ATP8A2: variants seen among roughly 807,000 people sequenced by gnomAD.
ATP8A2 encodes ATPase phospholipid transporting 8A2.
Under a neutral mutation model 165.6 loss-of-function variants are expected in ATP8A2, and 100 were observed. That is an observed-to-expected ratio of 0.60 (90% confidence interval 0.51 to 0.71). ATP8A2 has a LOEUF of 0.71. Ranked by LOEUF, ATP8A2 falls within the 30% of genes least tolerant of loss-of-function variation. The pLI is 0.00. For missense variants in ATP8A2, 1,227 were observed against 1,479.5 expected, an observed-to-expected ratio of 0.83 and a Z score of 2.80; for synonymous variants, 543 against 548.8, an observed-to-expected ratio of 0.99 and a Z score of 0.15.
At chr13:25,697,096 T>A (rs949552125) in intron 24 of ATP8A2, among the ~76,000 whole-genome samples, 6 of 152,206 alleles carry the variant, frequency 3.9e-5, no homozygotes. Context: ...TCAGGGTTGC[T>A]AGAAATCTTC....
intron 33 of ATP8A2, among the ~76,000 whole-genome samples, chr13:25,960,705 ACTC>A (rs1012865755): frequency 2.0e-5 from 3 of 150,548 alleles, no homozygotes; most frequent in Non-Finnish European, 4.4e-5. Context: ...TTCAGAGTAA[ACTC>A]CTCCCTCCCT....
chr13:25,838,031 G>A (rs1171839385), intron 29 of ATP8A2, among the ~76,000 whole-genome samples: 1 of 152,178 alleles, frequency 6.6e-6, no homozygotes, highest in Non-Finnish European at 1.5e-5. Flanking sequence ...ACAGAGGGGC[G>A]AGATGTGAGC....
intron 10 of ATP8A2, among the ~76,000 whole-genome samples, chr13:25,546,495 T>C (rs922079680): frequency 6.6e-6 from 1 of 150,672 alleles, no homozygotes; most frequent in African/African-American, 2.4e-5. Flanking sequence ...GAAACTCAAT[T>C]GCTGTCGGGT....
intron 25 of ATP8A2, among the ~76,000 whole-genome samples, chr13:25,728,666 A>G (rs2043548059): frequency 6.6e-6 from 1 of 152,142 alleles, no homozygotes; most frequent in African/African-American, 2.4e-5. Flanking sequence ...CGTGCAAGTG[A>G]AACACCCCAG....
At chr13:25,508,098 T>C (rs541992799) in intron 2 of ATP8A2, among the ~76,000 whole-genome samples, 1 of 152,334 alleles carries the variant, frequency 6.6e-6, no homozygotes, top group Admixed American at 6.5e-5. Flanking sequence ...ACTGTTAATA[T>C]CTGTTGCTGG....
At chr13:25,394,240 G>C (rs1220350792) in intron 1 of ATP8A2, among the ~76,000 whole-genome samples, 1 of 152,174 alleles carries the variant, frequency 6.6e-6, no homozygotes, top group African/African-American at 2.4e-5. Context: ...GCCTGTTCTG[G>C]CCATTGGTAG....
At chr13:25,601,866 T>C (rs1309630447) in intron 24 of ATP8A2, among the ~76,000 whole-genome samples, 1 of 152,234 alleles carries the variant, frequency 6.6e-6, no homozygotes, top group Non-Finnish European at 1.5e-5. Context: ...TAACAAAAGC[T>C]CATGGTCCGT....
intron 1 of ATP8A2, among the ~76,000 whole-genome samples, chr13:25,461,532 C>T (rs1202026020): frequency 1.3e-5 from 2 of 152,164 alleles, no homozygotes; most frequent in African/African-American, 4.8e-5. Flanking sequence ...GTAATGACTG[C>T]ACTGTTTTCC....
At chr13:25,869,885 G>A (rs751593154) in intron 33 of ATP8A2, among the ~76,000 whole-genome samples, 1 of 152,196 alleles carries the variant, frequency 6.6e-6, no homozygotes, top group Non-Finnish European at 1.5e-5. Flanking sequence ...TTAGCTGTCC[G>A]TAGGCAGCTT....
intron 24 of ATP8A2, among the ~76,000 whole-genome samples, chr13:25,616,426 G>C (rs2040828790): frequency 6.7e-6 from 1 of 149,736 alleles, no homozygotes; most frequent in South Asian, 2.1e-4. Flanking sequence ...CCGCCTCCTG[G>C]GTTCAAGTGA....
intron 27 of ATP8A2, among the ~76,000 whole-genome samples, chr13:25,790,816 C>G (rs1180519035): frequency 6.6e-6 from 1 of 151,890 alleles, no homozygotes; most frequent in Non-Finnish European, 1.5e-5. Flanking sequence ...AATGAAAAAT[C>G]AAAATGACAG....
chr13:25,928,623 T>A (rs920763941), intron 33 of ATP8A2, among the ~76,000 whole-genome samples: 16 of 152,226 alleles, frequency 1.1e-4, no homozygotes, highest in African/African-American at 3.6e-4. Flanking sequence ...AGAACAGTTG[T>A]AGGATTCCTG....
chr13:25,486,595 T>C (rs1007087410), intron 2 of ATP8A2, among the ~76,000 whole-genome samples: 19 of 152,244 alleles, frequency 1.2e-4, no homozygotes, highest in African/African-American at 4.3e-4. Flanking sequence ...TGCTGCTTAC[T>C]GTTTGAAATA....
At chr13:25,849,880 C>T (rs1951963857) in intron 30 of ATP8A2, among the ~76,000 whole-genome samples, 1 of 152,190 alleles carries the variant, frequency 6.6e-6, no homozygotes, top group Non-Finnish European at 1.5e-5. Flanking sequence ...TTTTATGACA[C>T]TTTTCATGCA....
At chr13:25,696,446 G>T (rs534337855) in intron 24 of ATP8A2, among the ~76,000 whole-genome samples, 1 of 152,310 alleles carries the variant, frequency 6.6e-6, no homozygotes, top group African/African-American at 2.4e-5. Flanking sequence ...ATAGACGGCT[G>T]TTTCATCTAC....
chr13:25,835,494 T>G (rs1217595856), intron 28 of ATP8A2, among the ~76,000 whole-genome samples: 2 of 152,070 alleles, frequency 1.3e-5, no homozygotes, highest in African/African-American at 4.8e-5. Flanking sequence ...TAGTGTGAGT[T>G]CAGAATTCTC....
At chr13:25,664,800 C>T (rs1002288832) in intron 24 of ATP8A2, among the ~76,000 whole-genome samples, 3 of 152,232 alleles carry the variant, frequency 2.0e-5, no homozygotes, top group Admixed American at 6.5e-5. Context: ...TCATTTTCTT[C>T]TGTGAATCTA....
chr13:25,466,094 C>A (rs1476600774), intron 1 of ATP8A2, among the ~76,000 whole-genome samples: 1 of 152,200 alleles, frequency 6.6e-6, no homozygotes, highest in South Asian at 2.1e-4. Context: ...CTGCCAGATG[C>A]TCTTCTCTCC....
chr13:25,462,555 CCT>C (rs1206364048), intron 1 of ATP8A2, among the ~76,000 whole-genome samples: 1 of 152,104 alleles, frequency 6.6e-6, no homozygotes, highest in African/African-American at 2.4e-5. Flanking sequence ...GGGAGGCTCC[CCT>C]GAGTTTCAGT....
Sources: allele counts gnomAD v4.1 joint callset (sites outside exome capture counted in the v4.1 genomes callset), GRCh38; gene constraint gnomAD v4.1.1; transcripts MANE v1.5; gene names NCBI Gene and HGNC (gene_info 2026-07-23, HGNC 2026-07-21).